PALD1: variants seen among roughly 807,000 people sequenced by gnomAD.
The protein encoded by PALD1 is paladin.
In PALD1, 57 loss-of-function variants were observed where a neutral mutation model predicts 96.0. That is an observed-to-expected ratio of 0.59 (90% CI 0.48 to 0.74). The LOEUF (loss-of-function observed/expected upper bound fraction) is 0.74. Ranked by LOEUF, PALD1 falls within the 30% of genes least tolerant of loss-of-function variation. The pLI is 0.00. For missense variants in PALD1, 1,063 were observed against 1,143.7 expected (o/e 0.93, Z 1.02); for synonymous variants, 464 against 473.6 (o/e 0.98, Z 0.26).
chr10:70,544,956 G>A (rs1454823580), intron 17 of PALD1, among the ~76,000 whole-genome samples: 2 of 152,244 alleles, frequency 1.3e-5, no homozygotes, highest in Non-Finnish European at 2.9e-5. Context: ...TTGGGGAAAG[G>A]CCCTTCCCTG....
At chr10:70,554,632 A>AT (rs1220100533) in intron 18 of PALD1, among the ~76,000 whole-genome samples, 1 of 152,072 alleles carries the variant, frequency 6.6e-6, no homozygotes, top group Non-Finnish European at 1.5e-5. Context: ...GAAAATATTT[A>AT]TGACAAAAAC....
intron 1 of PALD1, among the ~76,000 whole-genome samples, chr10:70,500,247 TCCCAGAGCAGTA>T (rs1846268181): frequency 6.6e-6 from 1 of 152,116 alleles, no homozygotes; most frequent in African/African-American, 2.4e-5. Flanking sequence ...ACCCCAGATG[TCCCAGAGCAGTA>T]CCCACCCTGT....
chr10:70,542,972 C>T (rs983703446), intron 17 of PALD1, among the ~76,000 whole-genome samples: 1 of 151,740 alleles, frequency 6.6e-6, no homozygotes, highest in Non-Finnish European at 1.5e-5. Flanking sequence ...GGGAGTTCAC[C>T]GTGTTGGCCA....
chr10:70,531,485 C>T, intron 5 of PALD1, 31 bp downstream of exon 5: 1 of 1,582,658 alleles, frequency 6.3e-7, no homozygotes, highest in Non-Finnish European at 8.6e-7. Flanking sequence ...CGGGAGACCC[C>T]AGCCCACAGC....
At chr10:70,467,883 G>C in the PALD1 span, among the ~76,000 whole-genome samples, 1 of 152,206 alleles carries the variant, frequency 6.6e-6, no homozygotes, top group South Asian at 2.1e-4. Context: ...TTTCATGGAA[G>C]GAGTGCCCTG....
chr10:70,476,724 G>A (rs1288351075), upstream of PALD1, among the ~76,000 whole-genome samples: 3 of 152,116 alleles, frequency 2.0e-5, no homozygotes, highest in South Asian at 2.1e-4. Flanking sequence ...TGTGTGTGTG[G>A]TGAGTACAAA....
intron 19 of PALD1, 91 bp from the exon 20 acceptor site, chr10:70,566,490 C>A: frequency 1.0e-6 from 1 of 967,478 alleles, no homozygotes; most frequent in Non-Finnish European, 1.6e-6. Flanking sequence ...TCACCAAGTT[C>A]ACAGGCCACA....
At chr10:70,556,310 C>CTCTGTCTA (rs1847610559) in intron 18 of PALD1, among the ~76,000 whole-genome samples, 1 of 151,510 alleles carries the variant, frequency 6.6e-6, no homozygotes, top group African/African-American at 2.4e-5. Flanking sequence ...CTCTCTCTGT[C>CTCTGTCTA]TCTGTCTCTC....
At position 70,486,577 on chromosome 10, in the gene PALD1, A is replaced by G. The variant is rs377120000; in HGVS notation, c.-30+7518A>G. 1.7e-3 allele frequency among the ~76,000 whole-genome samples: 264 copies of G among 152,208 alleles called. 10 individuals carry two copies. The South Asian group carries it at 0.05, about 29-fold the overall frequency. On this transcript the variant is annotated intron_variant, in intron 1 of 19. Transcript: ENST00000263563. ...GGAGTTCAAGACCAGCCTGGCCAACATGGTGAAACCCCATCTCTACTAATA... is the reference window on the plus strand; with the variant it reads ...GGAGTTCAAGACCAGCCTGGCCAACGTGGTGAAACCCCATCTCTACTAATA...
chr10:70,539,159 GC>G lies in PALD1; in HGVS notation c.1639del (p.Leu547PhefsTer35), dbSNP rs1847181320. On this transcript the variant is annotated frameshift_variant, in exon 14 of 20. Coordinates refer to ENST00000263563, the MANE Select transcript of PALD1 (RefSeq NM_014431.3). LOFTEE classifies it high-confidence loss of function. This position sits in a 1 kb window ranked among gnomAD's most constrained non-coding sequence, Gnocchi z 4.5. The part of the protein sequence containing the change: ...KRRLRKVVWV[S>X]LREEAVLECD... ...AGGCTGCGGAAGGTTGTCTGGGTGA[GC>G]CTTCGGGAGGAGGCCGTGTTGGAGT... 1 of 1,613,508 alleles carries G rather than the reference GC, an allele frequency of 6.2e-7. No individual in the cohort carries two copies. Among genetic ancestry groups the G allele is most frequent in the Non-Finnish European group, 8.5e-7 (1 of 1,179,754 alleles).
upstream of PALD1, among the ~76,000 whole-genome samples, chr10:70,477,917 A>C (rs547075888): frequency 8.2e-4 from 124 of 152,114 alleles, no homozygotes; most frequent in Admixed American, 1.7e-3. Context: ...GCGAGGAAGC[A>C]CAGCGAAGAG....
Position 70,541,149 on chromosome 10 carries a change from C to G in PALD1, c.1956C>G (p.Asp652Glu). 1 of 1,613,584 alleles carries G rather than the reference C, an allele frequency of 6.2e-7. No individual in the cohort carries two copies. The highest frequency in any genetic ancestry group is 8.5e-7 in the Non-Finnish European group (1 of 1,179,740). Residue 652 changes from aspartate to glutamate, a missense_variant, in exon 16 of 20, where the codon GAC becomes GAG. By Grantham distance (45) the Asp-to-Glu change is conservative. Coordinates refer to ENST00000263563, the MANE Select transcript of PALD1 (RefSeq NM_014431.3). ...LEALRAALSK[D>E]PGTGFVFSCL... ...CCCTGCGGGCCGCCCTCTCCAAGGA[C>G]CCAGGCACTGGCTTCGTGTTCAGCT...
chr10:70,554,618 A>G (rs1269111896), intron 18 of PALD1, among the ~76,000 whole-genome samples: 1 of 152,068 alleles, frequency 6.6e-6, no homozygotes, highest in African/African-American at 2.4e-5. Flanking sequence ...TGGGCTTGGA[A>G]AGGGAAAATA....
chr10:70,459,696 G>A, the PALD1 span, among the ~76,000 whole-genome samples: 16 of 152,362 alleles, frequency 1.1e-4, no homozygotes, highest in African/African-American at 3.8e-4. Context: ...GGACTCAGCT[G>A]TCCTCATCTG....
At position 70,497,154 on chromosome 10, in the gene PALD1, G is replaced by A. The variant is rs569848007; in HGVS notation, c.-30+18095G>A. On this transcript the variant is annotated intron_variant, in intron 1 of 19. Transcript: ENST00000263563. ...CGTGGTGGTTGGTGCTGGGAGAGATGAGGAGGGCTTGCTGTTTGTTGGATG... is the reference window on the plus strand; with the variant it reads ...CGTGGTGGTTGGTGCTGGGAGAGATAAGGAGGGCTTGCTGTTTGTTGGATG... 2.0e-5 allele frequency among the ~76,000 whole-genome samples: 3 copies of A among 152,348 alleles called. No homozygotes were observed. The South Asian group carries it at 6.2e-4, about 32-fold the overall frequency.
chr10:70,477,038 C>T (rs995875765), upstream of PALD1, among the ~76,000 whole-genome samples: 6 of 9,096 alleles, frequency 6.6e-4, no homozygotes, highest in African/African-American at 8.8e-4. Context: ...TGTGCATACA[C>T]ATGCACATGT....
intron 1 of PALD1, among the ~76,000 whole-genome samples, chr10:70,508,189 C>T (rs1846432483): frequency 6.6e-6 from 1 of 152,180 alleles, no homozygotes; most frequent in Non-Finnish European, 1.5e-5. Flanking sequence ...TGAGAGACGG[C>T]CCAGCCTTGT....
chr10:70,514,526 G>A (rs1241474216), intron 1 of PALD1, among the ~76,000 whole-genome samples: 2 of 152,166 alleles, frequency 1.3e-5, no homozygotes, highest in Non-Finnish European at 2.9e-5. Flanking sequence ...AGGGGCAGAG[G>A]TCATGAAGGA....
At position 70,539,757 on chromosome 10, in the gene PALD1, G is replaced by T. The variant is rs1256001759; in HGVS notation, c.1903G>T (p.Glu635Ter). Residue 635 changes from glutamate to a stop codon, truncating the protein, a stop_gained, in exon 15 of 20, where the codon GAG (glutamate) becomes TAG (stop). Coordinates refer to ENST00000263563, the MANE Select transcript of PALD1 (RefSeq NM_014431.3). LOFTEE classifies it high-confidence loss of function. This position sits in a 1 kb window ranked among gnomAD's most constrained non-coding sequence, Gnocchi z 4.5. ...IPMPDFCAPR[E>*]EDFDQLLEAL... is the part of the protein sequence containing the mutation. ...CATGCCGGACTTCTGTGCCCCCCGA[G>T]AGGAGGTGAGGGTGCTGCTCAGGCT... is the stretch of plus-strand genomic sequence containing the variant. 4 of 1,609,202 alleles carry T rather than the reference G, an allele frequency of 2.5e-6. No individual in the cohort carries two copies. Among genetic ancestry groups the T allele is most frequent in the Admixed American group, 3.4e-5 (2 of 59,186 alleles).
Sources: allele counts gnomAD v4.1 joint callset (sites outside exome capture counted in the v4.1 genomes callset), GRCh38; gene constraint gnomAD v4.1.1; non-coding constraint Gnocchi (gnomAD v3.1); transcripts MANE v1.5; gene names NCBI Gene and HGNC (gene_info 2026-07-23, HGNC 2026-07-21).